MTREX: variants seen among roughly 807,000 people sequenced by gnomAD.
The protein encoded by MTREX is exosome RNA helicase MTR4.
Under a neutral mutation model 135.4 loss-of-function variants are expected in MTREX, and 76 were observed. The observed-to-expected ratio is 0.56, with a 90% CI of 0.47 to 0.68. The LOEUF (loss-of-function observed/expected upper bound fraction) is 0.68, where lower values mean the gene tolerates loss of function less well. Among genes scored for constraint, MTREX ranks in the 30% least tolerant of loss-of-function variants. The probability of loss-of-function intolerance (pLI) is 0.00; values close to 1 mark genes in which losing one functional copy is unlikely to be tolerated. For synonymous variants in MTREX, 404 were observed against 401.6 expected (o/e 1.01, Z -0.07); for missense variants, 920 against 1,262.1 (o/e 0.73, Z 4.11).
intron 21 of MTREX, among the ~76,000 whole-genome samples, chr5:55,403,132 T>C (rs2111597341): frequency 6.6e-6 from 1 of 151,964 alleles, no homozygotes; most frequent in South Asian, 2.1e-4. Flanking sequence ...GCCAAGGAGG[T>C]TGAGGCTACA....
intron 16 of MTREX, among the ~76,000 whole-genome samples, chr5:55,373,766 C>T (rs956612598): frequency 1.3e-5 from 2 of 150,438 alleles, no homozygotes; most frequent in Admixed American, 6.7e-5. Context: ...TAACCTGTGA[C>T]TAGTGGGGGT....
intron 1 of MTREX, among the ~76,000 whole-genome samples, chr5:55,313,399 A>G (rs947783882): frequency 2.0e-5 from 3 of 152,128 alleles, no homozygotes; most frequent in African/African-American, 7.2e-5. Flanking sequence ...TGTGATCATG[A>G]CACTGCACTC....
chr5:55,346,787 C>A (rs887291487), intron 10 of MTREX, among the ~76,000 whole-genome samples: 1 of 152,098 alleles, frequency 6.6e-6, no homozygotes, highest in African/African-American at 2.4e-5. Flanking sequence ...TTGATGGTAT[C>A]CATGAAATCA....
At chr5:55,355,658 G>A (rs1749899540) in intron 14 of MTREX, among the ~76,000 whole-genome samples, 1 of 152,198 alleles carries the variant, frequency 6.6e-6, no homozygotes, top group South Asian at 2.1e-4. Context: ...AGAGCTCTTG[G>A]CGAATCCTGG....
In MTREX at chr5:55,353,287, T is replaced by A; in HGVS notation, c.1533+18T>A. On this transcript the variant is annotated intron_variant, in intron 14 of 26. Coordinates refer to ENST00000230640, the MANE Select transcript of MTREX (RefSeq NM_015360.5). The stretch of plus-strand genomic sequence containing the variant: ...TCCGATGGGTAAGTAAAGCAATTCA[T>A]ATATCAAAATAATTTTTGTCTTTGT... 6.6e-7 allele frequency: 1 copy of A among 1,508,380 alleles called. No homozygotes were observed. The highest frequency in any genetic ancestry group is 1.4e-5 in the African/African-American group (1 of 72,100). 93.4% of individuals were successfully genotyped at this position (1,508,380 alleles called of 1,614,324 possible).
intron 16 of MTREX, among the ~76,000 whole-genome samples, chr5:55,374,356 T>C (rs1750259923): frequency 6.6e-6 from 1 of 151,200 alleles, no homozygotes; most frequent in South Asian, 2.1e-4. Context: ...GGCAAAATCA[T>C]AGCTCACTGT....
At chr5:55,415,907 C>T in intron 24 of MTREX, 63 bp from the exon 25 acceptor site, 1 of 1,207,574 alleles carries the variant, frequency 8.3e-7, no homozygotes, top group Non-Finnish European at 1.1e-6. Context: ...GGCTTGGAAA[C>T]CTAAAGAATA....
At chr5:55,415,371 A>T (rs941325229) in intron 24 of MTREX, among the ~76,000 whole-genome samples, 1 of 152,174 alleles carries the variant, frequency 6.6e-6, no homozygotes, top group Non-Finnish European at 1.5e-5. Flanking sequence ...AAATATTTTT[A>T]AAATAATAAT....
intron 18 of MTREX, among the ~76,000 whole-genome samples, chr5:55,381,572 T>C (rs930122022): frequency 1.3e-5 from 2 of 152,220 alleles, no homozygotes; most frequent in African/African-American, 4.8e-5. Context: ...TCCCAAATTT[T>C]TGTCTTTATT....
intron 6 of MTREX, among the ~76,000 whole-genome samples, chr5:55,341,342 G>A (rs567304304): frequency 1.3e-5 from 2 of 152,284 alleles, no homozygotes; most frequent in East Asian, 3.9e-4. Flanking sequence ...TTGGGACGGT[G>A]CTGTGTATAG....
intron 21 of MTREX, among the ~76,000 whole-genome samples, chr5:55,401,522 A>G (rs1187795562): frequency 6.6e-6 from 1 of 152,198 alleles, no homozygotes; most frequent in Non-Finnish European, 1.5e-5. Context: ...GGATTGATGG[A>G]TCATATGGTA....
chr5:55,377,221 G>C (rs1037202024), intron 16 of MTREX, among the ~76,000 whole-genome samples: 4 of 152,128 alleles, frequency 2.6e-5, no homozygotes, highest in Admixed American at 2.6e-4. Context: ...CAGCTACTCG[G>C]GAGGCTGAAG....
At chr5:55,400,729 C>G (rs1373035143) in intron 21 of MTREX, among the ~76,000 whole-genome samples, 2 of 152,144 alleles carry the variant, frequency 1.3e-5, no homozygotes, top group Admixed American at 6.5e-5. Context: ...TTAGTGTATT[C>G]ACAGATACTT....
At chr5:55,324,080 A>G in intron 2 of MTREX, 52 bp from the exon 3 acceptor site, 1 of 1,334,546 alleles carries the variant, frequency 7.5e-7, no homozygotes, top group South Asian at 1.2e-5. Flanking sequence ...CTTATTATCA[A>G]ATTATAGAAA....
At chr5:55,395,377 G>T (rs971147149) in intron 19 of MTREX, among the ~76,000 whole-genome samples, 1 of 152,136 alleles carries the variant, frequency 6.6e-6, no homozygotes, top group Non-Finnish European at 1.5e-5. Context: ...TTGCACTCCA[G>T]CCTGGGCGAC....
intron 23 of MTREX, among the ~76,000 whole-genome samples, chr5:55,411,324 A>G (rs1750881758): frequency 6.6e-6 from 1 of 152,234 alleles, no homozygotes; most frequent in Non-Finnish European, 1.5e-5. Context: ...TAGAATGAGA[A>G]TAAGACAAGG....
intron 6 of MTREX, among the ~76,000 whole-genome samples, chr5:55,340,757 A>G (rs1181482245): frequency 7.9e-5 from 12 of 151,874 alleles, no homozygotes. Context: ...AATTTTTTGT[A>G]TTTTTAGTAG....
chr5:55,405,918 GACT>G (rs1000942701), intron 22 of MTREX, among the ~76,000 whole-genome samples: 5 of 151,944 alleles, frequency 3.3e-5, no homozygotes, highest in African/African-American at 1.2e-4. Flanking sequence ...TATTTCCTTT[GACT>G]TTTTTTAATG....
At chr5:55,351,508 G>A (rs1332870727) in intron 13 of MTREX, among the ~76,000 whole-genome samples, 1 of 152,146 alleles carries the variant, frequency 6.6e-6, no homozygotes, top group Admixed American at 6.6e-5. Flanking sequence ...CTCCAGCCTG[G>A]ACAACAAGAG....
Sources: allele counts gnomAD v4.1 joint callset (sites outside exome capture counted in the v4.1 genomes callset), GRCh38; gene constraint gnomAD v4.1.1; transcripts MANE v1.5; gene names NCBI Gene and HGNC (gene_info 2026-07-23, HGNC 2026-07-21).